Variants in BDNF observed in about 807,000 individuals in gnomAD.
The protein encoded by BDNF is neurotrophic factor BDNF precursor form.
Under a neutral mutation model 19.5 loss-of-function variants are expected in BDNF, and 1 was observed. The ratio of observed to expected loss-of-function variants is 0.05; its 90% CI spans 0.02 to 0.24. The LOEUF (loss-of-function observed/expected upper bound fraction) is 0.24, where lower values mean the gene tolerates loss of function less well. BDNF is among the 10% of genes least tolerant of loss of function. The pLI, the probability that BDNF is intolerant of heterozygous loss-of-function variation, is 1.00. For missense variants in BDNF, 195 were observed against 317.6 expected, an observed-to-expected ratio of 0.61 and a Z score of 2.93; for synonymous variants, 100 against 121.6, an observed-to-expected ratio of 0.82 and a Z score of 1.17.
chr11:27,675,056 G>T (rs1259179170), intron 1 of BDNF: 1 of 339,940 alleles, frequency 2.9e-6, no homozygotes, highest in Non-Finnish European at 4.2e-6. Context: ...GGTGGAGAGG[G>T]AATATGAACC....
chr11:27,669,293 C>T (rs1429077032), intron 1 of BDNF, among the ~76,000 whole-genome samples: 1 of 152,192 alleles, frequency 6.6e-6, no homozygotes, highest in East Asian at 1.9e-4. Context: ...AACCCACAGC[C>T]AATGTCATAC....
At chr11:27,673,703 GTTAA>G (rs1015781551) in intron 1 of BDNF, among the ~76,000 whole-genome samples, 1 of 152,118 alleles carries the variant, frequency 6.6e-6, no homozygotes, top group Admixed American at 6.6e-5. Context: ...TATTCTTGTG[GTTAA>G]TTAGTTATCT....
At chr11:27,664,477 T>C (rs1489663193) in intron 1 of BDNF, among the ~76,000 whole-genome samples, 1 of 152,010 alleles carries the variant, frequency 6.6e-6, no homozygotes, top group Admixed American at 6.6e-5. Flanking sequence ...AAGGAATGCA[T>C]TGTCAAGAAG....
chr11:27,659,727 G>C (rs912484014), intron 1 of BDNF: 1 of 947,922 alleles, frequency 1.1e-6, no homozygotes, highest in African/African-American at 1.8e-5. Context: ...TTTGGAATAG[G>C]CAGCTAGTGC....
intron 1 of BDNF, among the ~76,000 whole-genome samples, chr11:27,678,614 C>T (rs1590342752): frequency 6.6e-6 from 1 of 152,162 alleles, no homozygotes; most frequent in South Asian, 2.1e-4. Context: ...AATGATGGAC[C>T]CAAAAGGATG....
intron 1 of BDNF, among the ~76,000 whole-genome samples, chr11:27,698,527 A>G (rs1266609982): frequency 6.6e-6 from 1 of 152,238 alleles, no homozygotes; most frequent in Non-Finnish European, 1.5e-5. Flanking sequence ...GTAAAGACAT[A>G]TCAAATTGTA....
upstream of BDNF, chr11:27,700,636 G>C: frequency 1.0e-6 from 1 of 992,708 alleles, no homozygotes; most frequent in Non-Finnish European, 1.2e-6. Context: ...GGAACCGAGG[G>C]GCGCCCGGAA....
chr11:27,708,267 T>C (rs879447566), intron 1 of BDNF, among the ~76,000 whole-genome samples: 5 of 152,230 alleles, frequency 3.3e-5, no homozygotes, highest in Non-Finnish European at 7.3e-5. Context: ...AATATTCTTA[T>C]AGCATTATAA....
At chr11:27,712,673 G>A (rs999973798) in intron 1 of BDNF, among the ~76,000 whole-genome samples, 12 of 151,598 alleles carry the variant, frequency 7.9e-5, no homozygotes, top group Non-Finnish European at 1.6e-4. Context: ...ATGCCACCAC[G>A]CCCAGCTAAT....
chr11:27,679,125 A>C (rs576811182), intron 1 of BDNF, among the ~76,000 whole-genome samples: 12 of 152,318 alleles, frequency 7.9e-5, no homozygotes, highest in African/African-American at 2.9e-4. Flanking sequence ...GCTGGGTCTC[A>C]GTAGTCTGAT....
At chr11:27,669,808 A>G (rs1462630051) in intron 1 of BDNF, among the ~76,000 whole-genome samples, 2 of 152,216 alleles carry the variant, frequency 1.3e-5, no homozygotes, top group African/African-American at 4.8e-5. Flanking sequence ...GGAAGAATCA[A>G]TATCATGAAA....
chr11:27,717,518 T>C (rs963290482), intron 1 of BDNF, among the ~76,000 whole-genome samples: 6 of 152,240 alleles, frequency 3.9e-5, no homozygotes, highest in Admixed American at 2.0e-4. Flanking sequence ...TATTCTCATC[T>C]GAATCAATAC....
intron 1 of BDNF, among the ~76,000 whole-genome samples, chr11:27,694,828 T>C (rs1858785368): frequency 6.6e-6 from 1 of 152,166 alleles, no homozygotes; most frequent in Admixed American, 6.5e-5. Flanking sequence ...TTGGTGTTAT[T>C]GTATCTCAGA....
At chr11:27,659,146 G>T (rs1166000106) in intron 1 of BDNF, 20 of 1,001,974 alleles carry the variant, frequency 2.0e-5, no homozygotes, top group Non-Finnish European at 2.3e-5. Context: ...CCTTTAAATT[G>T]ACTTTTTTTT....
Position 27,657,463 on chromosome 11 carries a change from G to GT in BDNF, c.*357dup, listed in dbSNP as rs3838785. The stretch of plus-strand genomic sequence containing the variant: ...TCAAATTTTTGTTGTGTGTGTGTGT[G>GT]TTTTTTTTCTGTTTTCTGAAAGAGG... On this transcript the variant is annotated 3_prime_UTR_variant, in exon 2 of 2. Transcript: ENST00000356660. The surrounding 1 kb of genome is among the most constrained non-coding windows in gnomAD (Gnocchi z 5.0). 8 of 1,041,510 alleles carry GT rather than the reference G, an allele frequency of 7.7e-6. No homozygotes were observed. The African/African-American group carries it at 8.6e-5, about 11-fold the overall frequency. 64.5% of individuals were successfully genotyped at this position (1,041,510 alleles called of 1,614,324 possible).
At chr11:27,694,642 G>A (rs149599433) in intron 1 of BDNF, among the ~76,000 whole-genome samples, 1 of 148,384 alleles carries the variant, frequency 6.7e-6, no homozygotes, top group African/African-American at 2.5e-5. Context: ...TCTATTCTAA[G>A]GTTAAGGCAA....
chr11:27,671,996 C>A (rs1296473537), intron 1 of BDNF, among the ~76,000 whole-genome samples: 3 of 152,138 alleles, frequency 2.0e-5, no homozygotes, highest in Non-Finnish European at 2.9e-5. Context: ...CATACGGTTA[C>A]CTGTCATCTT....
At chr11:27,672,638 A>G (rs1855545879) in intron 1 of BDNF, among the ~76,000 whole-genome samples, 2 of 152,180 alleles carry the variant, frequency 1.3e-5, no homozygotes, top group Non-Finnish European at 2.9e-5. Flanking sequence ...AATAGTAAAT[A>G]TAAGTATCAA....
chr11:27,716,456 GACACAC>G (rs61227267), intron 1 of BDNF, among the ~76,000 whole-genome samples: 16 of 146,918 alleles, frequency 1.1e-4, no homozygotes, highest in Admixed American at 4.1e-4. Context: ...CACACACACA[GACACAC>G]ACACACACAC....
Sources: gnomAD v4.1 joint callset for allele counts (sites outside exome capture counted in the v4.1 genomes callset) on GRCh38, gnomAD v4.1.1 for gene constraint, Gnocchi (gnomAD v3.1) non-coding constraint, MANE v1.5 for transcripts, NCBI Gene and HGNC (gene_info 2026-07-23, HGNC 2026-07-21) for gene names.